The following FXYD7 variants were observed in gnomAD, a reference collection of about 807,000 sequenced individuals.
FXYD7 encodes FXYD domain-containing ion transport regulator 7.
Under a neutral mutation model 15.3 loss-of-function variants are expected in FXYD7, and 7 were observed. The observed-to-expected ratio is 0.46, with a 90% CI of 0.26 to 0.86. The LOEUF (loss-of-function observed/expected upper bound fraction) is 0.86. FXYD7 is among the 40% of genes least tolerant of loss of function. The probability of loss-of-function intolerance (pLI) is 0.16; values close to 1 mark genes in which losing one functional copy is unlikely to be tolerated. For synonymous variants in FXYD7, 39 were observed against 39.3 expected (o/e 0.99, Z 0.03); for missense variants, 78 against 100.6 (o/e 0.78, Z 0.96).
At chr19:35,148,959 C>G in intron 2 of FXYD7, 1 of 664,396 alleles carries the variant, frequency 1.5e-6, no homozygotes, top group Non-Finnish European at 2.8e-6. Flanking sequence ...GGGATCTGGG[C>G]TGGTGCCTTG....
intron 4 of FXYD7, 24 bp downstream of exon 4, chr19:35,151,506 C>T (rs200383866): frequency 1.4e-5 from 22 of 1,612,700 alleles, no homozygotes; most frequent in East Asian, 4.5e-5. Flanking sequence ...GGGCAAAGAG[C>T]GGGAGGGGGC....
intron 5 of FXYD7, among the ~76,000 whole-genome samples, chr19:35,152,128 G>A (rs1426611372): frequency 2.0e-5 from 1 of 48,786 alleles, no homozygotes; most frequent in Non-Finnish European, 3.3e-5. Flanking sequence ...GATAGAGTGA[G>A]ACTGTCAAAA....
At position 35,148,898 on chromosome 19, in the gene FXYD7, G is replaced by A. The variant is rs372543352; in HGVS notation, c.61+175G>A. The stretch of plus-strand genomic sequence containing the variant: ...GAGTTCATGGAGGGCAGAACCAGAT[G>A]GGGGAGTGGGGATGCCTCACACTCT... On this transcript the variant is annotated intron_variant, in intron 2 of 5. Transcript: ENST00000270310. The A allele has an allele frequency of 5.5e-4, 410 of 741,470 alleles. 1 individual carries two copies. In the African/African-American group the frequency reaches 5.5e-3, roughly 10 times the overall value. 45.9% of individuals were successfully genotyped at this position (741,470 alleles called of 1,614,324 possible). A position where few individuals can be genotyped will look rare whatever the true frequency, so the allele number is the denominator to read the frequency against.
rs145997812 is a variant in FXYD7, at chr19:35,148,652, G to A, written c.32-42G>A. The A allele has an allele frequency of 9.5e-4, 1,294 of 1,356,856 alleles. 11 individuals are homozygous for A. In the African/African-American group the frequency reaches 0.017, roughly 18 times the overall value. The allele number at this position is 1,356,856 out of a possible 1,614,324, so 84.1% of individuals were successfully genotyped here. On this transcript the variant is annotated intron_variant, in intron 1 of 5. Coordinates refer to ENST00000270310, the MANE Select transcript of FXYD7 (RefSeq NM_022006.2). ...AAAATATTAAGAAATACACTGTTAA[G>A]TTTTTTTTTTCTTTCTCTTTTTCTC... is the stretch of plus-strand genomic sequence containing the variant.
chr19:35,148,061 A>AAGAAAGAAAGAG (rs2065296068), intron 1 of FXYD7, among the ~76,000 whole-genome samples: 2 of 145,864 alleles, frequency 1.4e-5, no homozygotes, highest in Non-Finnish European at 3.0e-5. Flanking sequence ...GAAAGAAAGA[A>AAGAAAGAAAGAG]AGAAAGAAAG....
At position 35,143,360 on chromosome 19, in the gene FXYD7, A is replaced by G. The variant is rs1372101103; in HGVS notation, c.27A>G (p.Thr9=). Reference sequence around the variant, plus strand: ...TGGCGACCCCGACCCAGACCCCCACAAAGGGTGAGCGTCGTTTGGGGAGGG... The same window carrying G: ...TGGCGACCCCGACCCAGACCCCCACGAAGGGTGAGCGTCGTTTGGGGAGGG... MATPTQTP[T]KAPEEPDPFY... is the part of the protein sequence containing the mutation. The change falls in exon 1 of 6, where the codon ACA becomes ACG. Residue 9 remains threonine, a synonymous_variant. Transcript: ENST00000270310. The surrounding 1 kb of genome is among the most constrained non-coding windows in gnomAD (Gnocchi z 4.3). The G allele has an allele frequency of 1.3e-5, 20 of 1,521,304 alleles. No homozygotes were observed. The highest frequency in any genetic ancestry group is 2.2e-5 in the Admixed American group (1 of 45,244). 94.2% of individuals were successfully genotyped at this position (1,521,304 alleles called of 1,614,324 possible). A position where few individuals can be genotyped will look rare whatever the true frequency, so the allele number is the denominator to read the frequency against.
At chr19:35,151,706 G>A (rs781120968) in intron 5 of FXYD7, 33 bp downstream of exon 5, 3 of 1,361,760 alleles carry the variant, frequency 2.2e-6, no homozygotes, top group East Asian at 4.0e-5. Flanking sequence ...TTCTGGGAGA[G>A]TTTTAGGTGG....
In FXYD7 at chr19:35,153,997, C is replaced by A; in HGVS notation, c.*81C>A. 2.1e-6 allele frequency: 3 copies of A among 1,412,844 alleles called. No homozygotes were observed. Among genetic ancestry groups the A allele is most frequent in the Non-Finnish European group, 2.0e-6 (2 of 1,010,968 alleles). The allele number at this position is 1,412,844 out of a possible 1,614,324, so 87.5% of individuals were successfully genotyped here. A position where few individuals can be genotyped will look rare whatever the true frequency, so the allele number is the denominator to read the frequency against. On this transcript the variant is annotated 3_prime_UTR_variant, in exon 6 of 6. Coordinates refer to ENST00000270310, the MANE Select transcript of FXYD7 (RefSeq NM_022006.2). Reference sequence around the variant, plus strand: ...CCGGGTGGAGGCGGTGGGGACCCAGCCGCGCGCCGGGAGCGCTCCCCGGAA... The same window carrying A: ...CCGGGTGGAGGCGGTGGGGACCCAGACGCGCGCCGGGAGCGCTCCCCGGAA...
At chr19:35,149,272 C>G (rs2065301473) in intron 2 of FXYD7, 1 of 343,282 alleles carries the variant, frequency 2.9e-6, no homozygotes, top group Admixed American at 3.8e-5. Context: ...TGCCCCCACC[C>G]CACCCCTTTG....
chr19:35,153,662 G>C (rs1485426096), intron 5 of FXYD7, among the ~76,000 whole-genome samples: 1 of 152,180 alleles, frequency 6.6e-6, no homozygotes, highest in Non-Finnish European at 1.5e-5. Flanking sequence ...GGTTGGGTCT[G>C]GGGTCGCCAG....
intron 1 of FXYD7, among the ~76,000 whole-genome samples, chr19:35,148,095 G>GAAAGAA (rs1369233426): frequency 2.5e-4 from 34 of 134,096 alleles, no homozygotes; most frequent in Middle Eastern, 3.8e-3. Flanking sequence ...AAGAAAGAAA[G>GAAAGAA]AGAGAGAGAA....
At chr19:35,151,864 C>T (rs138176661) in intron 5 of FXYD7, among the ~76,000 whole-genome samples, 191 bp downstream of exon 5, 3 of 152,124 alleles carry the variant, frequency 2.0e-5, no homozygotes, top group East Asian at 1.9e-4. Context: ...CCTGGCTGGG[C>T]GCGGTGGCTC....
Position 35,143,553 on chromosome 19 carries a change from C to T in FXYD7, c.31+189C>T, listed in dbSNP as rs1164533444. 6.6e-6 allele frequency among the ~76,000 whole-genome samples: 1 copy of T among 152,232 alleles called. No homozygotes were observed. Among genetic ancestry groups the T allele is most frequent in the Non-Finnish European group, 1.5e-5 (1 of 68,042 alleles). ...CCTCCGGGTCTCTGGGACACCCCCT[C>T]CCCGGCAGGCGTCCTGTGCCAGACC... On this transcript the variant is annotated intron_variant, in intron 1 of 5. Coordinates refer to ENST00000270310, the MANE Select transcript of FXYD7 (RefSeq NM_022006.2). The surrounding 1 kb of genome is among the most constrained non-coding windows in gnomAD (Gnocchi z 4.3).
In FXYD7 at chr19:35,143,275, AGCT is replaced by A; in HGVS notation, c.-53_-51del. ...CCCCACATCGGTCCGTCCTGCTTCC[AGCT>A]GCTGCAGCGCGCCTTCGCCGCCAAA... is the stretch of plus-strand genomic sequence containing the variant. On this transcript the variant is annotated 5_prime_UTR_variant, in exon 1 of 6. Transcript: ENST00000270310. This position sits in a 1 kb window ranked among gnomAD's most constrained non-coding sequence, Gnocchi z 4.3. The A allele has an allele frequency of 7.3e-7, 1 of 1,374,690 alleles. No individual in the cohort carries two copies. Among genetic ancestry groups the A allele is most frequent in the Non-Finnish European group, 9.9e-7 (1 of 1,008,256 alleles). 85.2% of individuals were successfully genotyped at this position (1,374,690 alleles called of 1,614,324 possible). A position where few individuals can be genotyped will look rare whatever the true frequency, so the allele number is the denominator to read the frequency against.
chr19:35,153,812 C>A, intron 5 of FXYD7, 82 bp from the exon 6 acceptor site: 2 of 1,338,022 alleles, frequency 1.5e-6, no homozygotes, highest in East Asian at 2.3e-5. Flanking sequence ...TCCATGGTGC[C>A]GGGGAATGGA....
chr19:35,152,009 C>G (rs113916227), intron 5 of FXYD7, among the ~76,000 whole-genome samples: 1 of 150,980 alleles, frequency 6.6e-6, no homozygotes, highest in Admixed American at 6.6e-5. Context: ...CATGGTGGTG[C>G]GCACCTGTAA....
intron 1 of FXYD7, among the ~76,000 whole-genome samples, chr19:35,144,866 AC>A (rs1177666977): frequency 6.6e-6 from 1 of 151,596 alleles, no homozygotes; most frequent in African/African-American, 2.4e-5. Context: ...GTCTCGGGAA[AC>A]CCCGGGGGAG....
intron 1 of FXYD7, among the ~76,000 whole-genome samples, chr19:35,148,096 A>G (rs1793469490): frequency 7.7e-6 from 1 of 129,662 alleles, no homozygotes. Flanking sequence ...AGAAAGAAAG[A>G]GAGAGAGAAA....
At chr19:35,153,033 C>CTTTGTTTTTTTT (rs1555737607) in intron 5 of FXYD7, among the ~76,000 whole-genome samples, 601 of 44,152 alleles carry the variant, frequency 0.014, 100 homozygotes, top group African/African-American at 0.053. Context: ...TTTCACGTTC[C>CTTTGTTTTTTTT]TTTTTTTTTT....
Sources: gnomAD v4.1 joint callset for allele counts (sites outside exome capture counted in the v4.1 genomes callset) on GRCh38, gnomAD v4.1.1 for gene constraint, Gnocchi (gnomAD v3.1) non-coding constraint, MANE v1.5 for transcripts, NCBI Gene and HGNC (gene_info 2026-07-23, HGNC 2026-07-21) for gene names.